FGFR3: variants seen among roughly 807,000 people sequenced by gnomAD.
FGFR3 encodes fibroblast growth factor receptor 3.
In FGFR3, 25 loss-of-function variants were observed where a neutral mutation model predicts 82.9. The observed-to-expected ratio is 0.30, with a 90% confidence interval of 0.22 to 0.42. The LOEUF (loss-of-function observed/expected upper bound fraction) is 0.42. Ranked by LOEUF, FGFR3 falls within the 10% of genes least tolerant of loss-of-function variation. FGFR3 has a pLI of 1.00. For missense variants in FGFR3, 1,026 were observed against 1,161.0 expected (o/e 0.88, Z 1.69); for synonymous variants, 620 against 516.0 (o/e 1.20, Z -2.73).
chr4:1,807,382 TCTG>T lies in FGFR3; in HGVS notation c.*121_*123del. 1 of 1,348,718 alleles carries T rather than the reference TCTG, an allele frequency of 7.4e-7. No homozygotes were observed. Among genetic ancestry groups the T allele is most frequent in the Non-Finnish European group, 1.0e-6 (1 of 1,003,698 alleles). 83.5% of individuals were successfully genotyped at this position (1,348,718 alleles called of 1,614,324 possible). A position where few individuals can be genotyped will look rare whatever the true frequency, so the allele number is the denominator to read the frequency against. On this transcript the variant is annotated 3_prime_UTR_variant, in exon 18 of 18. Transcript: ENST00000440486. ...GAGAGACAGCTACACAGAGCTTTGG[TCTG>T]TGTGTGTGTGTGTGCGTGTGTGTGT...
chr4:1,799,411 G>A lies in FGFR3; in HGVS notation c.267G>A (p.Val89=), dbSNP rs771692047. Reference sequence around the variant, plus strand: ...TGGTGCCCTCGGAGCGTGTCCTGGTGGGGCCCCAGCGGCTGCAGGTGCTGA... The same window carrying A: ...TGGTGCCCTCGGAGCGTGTCCTGGTAGGGCCCCAGCGGCTGCAGGTGCTGA... ...TGLVPSERVL[V]GPQRLQVLNA... The change falls in exon 3 of 18, where the codon GTG becomes GTA. Residue 89 remains valine (V), a synonymous_variant. Transcript: ENST00000440486. 1 of 1,611,976 alleles carries A rather than the reference G, an allele frequency of 6.2e-7. No individual in the cohort carries two copies. Among genetic ancestry groups the A allele is most frequent in the Non-Finnish European group, 8.5e-7 (1 of 1,179,654 alleles).
chr4:1,799,692 C>G (rs1334760779), intron 3 of FGFR3, 55 bp from the exon 4 acceptor site: 4 of 1,604,656 alleles, frequency 2.5e-6, no homozygotes, highest in African/African-American at 1.3e-5. Context: ...GGAGGGGCAC[C>G]TGGGGGCCTC....
rs748615193 is a variant in FGFR3 at position 1,806,184 on chromosome 4, C to T, written c.1959+11C>T. The T allele has an allele frequency of 1.7e-5, 27 of 1,612,598 alleles. No individual in the cohort carries two copies. The East Asian group carries it at 5.3e-4, about 32-fold the overall frequency. Reference sequence around the variant, plus strand: ...AAGAAGACGACCAACGTGAGCCCGGCCCTGGGGTGCGGGGGTGGGGGTCAT... The same window carrying T: ...AAGAAGACGACCAACGTGAGCCCGGTCCTGGGGTGCGGGGGTGGGGGTCAT... On this transcript the variant is annotated intron_variant, in intron 14 of 17. Coordinates refer to ENST00000440486, the MANE Select transcript of FGFR3 (RefSeq NM_000142.5).
rs988103348 is a variant in FGFR3, at chr4:1,808,204, T to C, written c.*942T>C. 68 of 232,844 alleles carry C rather than the reference T, an allele frequency of 2.9e-4. No individual in the cohort carries two copies. Among genetic ancestry groups the C allele is most frequent in the African/African-American group, 1.1e-3 (49 of 45,442 alleles). The allele number at this position is 232,844 out of a possible 1,614,324, so 14.4% of individuals were successfully genotyped here. A position where few individuals can be genotyped will look rare whatever the true frequency, so the allele number is the denominator to read the frequency against. On this transcript the variant is annotated 3_prime_UTR_variant, in exon 18 of 18. Transcript: ENST00000440486. ...GCGGAGAGTTTTAATTTTTAACTTA[T>C]TGACAACCGAGAAGGTTTATCCCGC...
rs2108780849 is a variant in FGFR3, at chr4:1,801,495, G to A, written c.574G>A (p.Gly192Ser). 4 of 1,559,940 alleles carry A rather than the reference G, an allele frequency of 2.6e-6. No homozygotes were observed. The highest frequency in any genetic ancestry group is 1.2e-5 in the South Asian group (1 of 84,850). The change falls in exon 5 of 18, where the codon GGC (glycine) becomes AGC (serine). Residue 192 changes from glycine (G) to serine (S), a missense_variant. Physicochemically the swap from Gly to Ser is moderately conservative, Grantham distance 56. Coordinates refer to ENST00000440486, the MANE Select transcript of FGFR3 (RefSeq NM_000142.5). Reference protein sequence around the residue: ...PTPSISWLKNGREFRGEHRIG... With the variant: ...PTPSISWLKNSREFRGEHRIG... ...TCCCTCCATCTCCTGGCTGAAGAACGGCAGGGAGTTCCGCGGCGAGCACCG... is the reference window on the plus strand; with the variant it reads ...TCCCTCCATCTCCTGGCTGAAGAACAGCAGGGAGTTCCGCGGCGAGCACCG...
chr4:1,808,051 G>A lies in FGFR3; in HGVS notation c.*789G>A. ...GGGGGTCTCACCCATGCAAGCAGAG[G>A]ACCAGGGCCTTTTCTGGCACCGCAG... On this transcript the variant is annotated 3_prime_UTR_variant, in exon 18 of 18. Transcript: ENST00000440486. 1 of 234,004 alleles carries A rather than the reference G, an allele frequency of 4.3e-6. No homozygotes were observed. The highest frequency in any genetic ancestry group is 8.4e-6 in the Non-Finnish European group (1 of 118,644). 14.5% of individuals were successfully genotyped at this position (234,004 alleles called of 1,614,324 possible).
chr4:1,806,736 G>T (rs926079248), intron 16 of FGFR3, 53 bp downstream of exon 16: 5 of 1,600,182 alleles, frequency 3.1e-6, no homozygotes, highest in East Asian at 2.3e-5. Flanking sequence ...GGGTCCCTCC[G>T]GGGCTGGGCG....
At position 1,799,357 on chromosome 4, in the gene FGFR3, C is replaced by G. The variant is rs777597739; in HGVS notation, c.213C>G (p.Pro71=). 1 of 1,612,574 alleles carries G rather than the reference C, an allele frequency of 6.2e-7. No individual in the cohort carries two copies. Among genetic ancestry groups the G allele is most frequent in the Non-Finnish European group, 8.5e-7 (1 of 1,179,896 alleles). The change falls in exon 3 of 18, where the codon CCC becomes CCG. Residue 71 remains proline (P), a synonymous_variant. Transcript: ENST00000440486. ...CPPPGGGPMG[P]TVWVKDGTGL... ...CGCCCGGGGGTGGTCCCATGGGGCCCACTGTCTGGGTCAAGGATGGCACAG... is the reference window on the plus strand; with the variant it reads ...CGCCCGGGGGTGGTCCCATGGGGCCGACTGTCTGGGTCAAGGATGGCACAG...
At chr4:1,796,701 A>T (rs1383316411) in intron 2 of FGFR3, among the ~76,000 whole-genome samples, 5 of 152,060 alleles carry the variant, frequency 3.3e-5, no homozygotes, top group Admixed American at 3.3e-4. Flanking sequence ...AGCCTGGAGA[A>T]AGGTTCCCCA....
intron 2 of FGFR3, among the ~76,000 whole-genome samples, chr4:1,794,818 C>T (rs1031702875): frequency 2.0e-5 from 3 of 151,676 alleles, no homozygotes; most frequent in Non-Finnish European, 4.4e-5. Context: ...CCGCAGCCGG[C>T]TCCGGACGGG....
chr4:1,804,254 C>T lies in FGFR3; in HGVS notation c.1076-76C>T, dbSNP rs1721572143. ...CTTCCGCTCCCAGTGGTGCCTGCGG[C>T]TCTGGGCCAGGGGCATCCATGGGAG... On this transcript the variant is annotated intron_variant, in intron 8 of 17. Coordinates refer to ENST00000440486, the MANE Select transcript of FGFR3 (RefSeq NM_000142.5). 5 of 1,500,272 alleles carry T rather than the reference C, an allele frequency of 3.3e-6. No homozygotes were observed. The South Asian group carries it at 5.2e-5, about 16-fold the overall frequency. The allele number at this position is 1,500,272 out of a possible 1,614,324, so 92.9% of individuals were successfully genotyped here.
chr4:1,803,384 G>T (rs1288821964), intron 7 of FGFR3, among the ~76,000 whole-genome samples: 1 of 152,196 alleles, frequency 6.6e-6, no homozygotes, highest in African/African-American at 2.4e-5. Flanking sequence ...CGCTTCCGCA[G>T]CCTGTGTGTC....
At position 1,806,815 on chromosome 4, in the gene FGFR3, C is replaced by G. The variant is rs775752569; in HGVS notation, c.2169-14C>G. ...GGAAGCGGCGGGGCTCACTCCTGAG[C>G]GCCCTGCCCGCAGGTACATGATCAT... On this transcript the variant is annotated splice_polypyrimidine_tract_variant and intron_variant, in intron 16 of 17. Transcript: ENST00000440486. The G allele has an allele frequency of 6.3e-7, 1 of 1,591,442 alleles. No homozygotes were observed. Among genetic ancestry groups the G allele is most frequent in the African/African-American group, 1.3e-5 (1 of 74,524 alleles).
chr4:1,804,620 T>C (rs1442360530), intron 9 of FGFR3, 100 bp downstream of exon 9: 2 of 1,525,394 alleles, frequency 1.3e-6, no homozygotes, highest in African/African-American at 1.4e-5. Flanking sequence ...GAGCCCTCTC[T>C]GCAGCCAGGC....
chr4:1,806,458 CA>C, intron 15 of FGFR3, 87 bp from the exon 16 acceptor site: 4 of 1,607,786 alleles, frequency 2.5e-6, no homozygotes, highest in Non-Finnish European at 3.4e-6. Flanking sequence ...CTGGGGGCAG[CA>C]GCGCAGCCCT....
intron 2 of FGFR3, among the ~76,000 whole-genome samples, chr4:1,797,337 C>G (rs1339252673): frequency 6.6e-6 from 1 of 152,180 alleles, no homozygotes; most frequent in Admixed American, 6.5e-5. Flanking sequence ...GTGCTCGCCA[C>G]CCAGCCCCTG....
chr4:1,796,206 A>T (rs568425366), intron 2 of FGFR3, among the ~76,000 whole-genome samples: 1 of 152,266 alleles, frequency 6.6e-6, no homozygotes, highest in East Asian at 1.9e-4. Context: ...CTGCCAGCTC[A>T]GGCTCGGGTG....
Position 1,799,818 on chromosome 4 carries a change from A to G in FGFR3, c.445+6A>G, listed in dbSNP as rs759269326. 6.2e-7 allele frequency: 1 copy of G among 1,612,628 alleles called. No homozygotes were observed. Among genetic ancestry groups the G allele is most frequent in the South Asian group, 1.1e-5 (1 of 91,058 alleles). ...GGACACAGGTGTGGACACAGGTAGG[A>G]GCAGGGTCCAGGGTTCAGGCCAGCC... On this transcript the variant is annotated splice_donor_region_variant and intron_variant, in intron 4 of 17. Transcript: ENST00000440486.
At chr4:1,803,232 C>G in intron 7 of FGFR3, 1 of 808,490 alleles carries the variant, frequency 1.2e-6, no homozygotes, top group Non-Finnish European at 1.7e-6. Flanking sequence ...CGGTGACCGC[C>G]CGCTTCGAGC....
Sources: allele counts gnomAD v4.1 joint callset (sites outside exome capture counted in the v4.1 genomes callset), GRCh38; gene constraint gnomAD v4.1.1; transcripts MANE v1.5; gene names NCBI Gene and HGNC (gene_info 2026-07-23, HGNC 2026-07-21).